The following FAT4 variants were observed in gnomAD, a reference collection of about 807,000 sequenced individuals.
The protein encoded by FAT4 is protocadherin Fat 4.
FAT4 carries 84 observed loss-of-function variants against 303.9 expected under a neutral mutation model. The observed-to-expected ratio is 0.28, with a 90% CI of 0.23 to 0.33. The LOEUF is 0.33. Among genes scored for constraint, FAT4 ranks in the 10% least tolerant of loss-of-function variants. The pLI, the probability that FAT4 is intolerant of heterozygous loss-of-function variation, is 1.00. For missense variants in FAT4, 6,005 were observed against 6,146.8 expected, an observed-to-expected ratio of 0.98 and a Z score of 0.77; for synonymous variants, 2,307 against 2,298.8, an observed-to-expected ratio of 1.00 and a Z score of -0.10.
In FAT4 at chr4:125,448,826, G is replaced by A. The variant is rs747229172; in HGVS notation, c.7816G>A (p.Ala2606Thr). 8.7e-6 allele frequency: 14 copies of A among 1,608,510 alleles called. No individual in the cohort carries two copies. The East Asian group carries it at 1.3e-4, about 15-fold the overall frequency. Reference sequence around the variant, plus strand: ...AGGAGAACCTATGTCATATTATATCGCAAGTGGGAATCTTGGCAATACTTT... The same window carrying A: ...AGGAGAACCTATGTCATATTATATCACAAGTGGGAATCTTGGCAATACTTT... ...LRGEPMSYYI[A>T]SGNLGNTFQI... The change falls in exon 10 of 18, where the codon GCA becomes ACA. Residue 2606 changes from alanine to threonine, a missense_variant. Ala to Thr is a moderately conservative substitution (Grantham distance 58, BLOSUM62 0). Coordinates refer to ENST00000394329, the MANE Select transcript of FAT4 (RefSeq NM_001291303.3).
chr4:125,481,775 A>T, intron 16 of FAT4, 37 bp downstream of exon 16: 1 of 1,569,468 alleles, frequency 6.4e-7, no homozygotes, highest in East Asian at 2.2e-5. Flanking sequence ...ATTTGATTAG[A>T]CCGCCTGCCG....
intron 2 of FAT4, among the ~76,000 whole-genome samples, chr4:125,385,438 G>A (rs1733709778): frequency 6.6e-6 from 1 of 152,104 alleles, no homozygotes; most frequent in Non-Finnish European, 1.5e-5. Context: ...GTAGTTAATT[G>A]CCTTATTTTA....
At chr4:125,414,076 T>A (rs1023371987) in intron 5 of FAT4, among the ~76,000 whole-genome samples, 1 of 152,046 alleles carries the variant, frequency 6.6e-6, no homozygotes, top group African/African-American at 2.4e-5. Context: ...AGGCAGAAAC[T>A]GACTTCTTTC....
At chr4:125,482,505 C>T (rs1303651327) in intron 16 of FAT4, among the ~76,000 whole-genome samples, 3 of 152,060 alleles carry the variant, frequency 2.0e-5, no homozygotes, top group African/African-American at 7.2e-5. Context: ...ACAAATAAGT[C>T]ATCTCCTAGA....
chr4:125,326,517 T>C (rs757905451), intron 2 of FAT4, among the ~76,000 whole-genome samples: 23 of 152,140 alleles, frequency 1.5e-4, no homozygotes, highest in Non-Finnish European at 2.9e-4. Flanking sequence ...TTTGTAGCTA[T>C]GGAAACTGAG....
intron 2 of FAT4, among the ~76,000 whole-genome samples, chr4:125,354,852 C>T (rs1732367746): frequency 6.6e-6 from 1 of 151,264 alleles, no homozygotes; most frequent in Non-Finnish European, 1.5e-5. Flanking sequence ...AAACAGTGGA[C>T]CTCAAAGGAA....
intron 6 of FAT4, 126 bp downstream of exon 6, chr4:125,415,932 G>A: frequency 1.4e-6 from 1 of 694,808 alleles, no homozygotes; most frequent in Non-Finnish European, 2.3e-6. Flanking sequence ...ATGCTCAATT[G>A]CAGATACAGC....
At chr4:125,398,653 T>C (rs1364288435) in intron 2 of FAT4, 131 bp from the exon 3 acceptor site, 3 of 822,818 alleles carry the variant, frequency 3.6e-6, no homozygotes. Flanking sequence ...GTTTCTGTTG[T>C]TTGGATGTTA....
At chr4:125,373,458 A>T (rs528513348) in intron 2 of FAT4, among the ~76,000 whole-genome samples, 4 of 152,320 alleles carry the variant, frequency 2.6e-5, no homozygotes, top group Non-Finnish European at 5.9e-5. Context: ...ATTTATTATT[A>T]GGTGCCTAAT....
chr4:125,423,767 G>A (rs1724989676), intron 7 of FAT4, among the ~76,000 whole-genome samples: 5 of 152,134 alleles, frequency 3.3e-5, no homozygotes, highest in South Asian at 4.1e-4. Flanking sequence ...AAGCCACAGG[G>A]GCAGAGCTGC....
intron 3 of FAT4, among the ~76,000 whole-genome samples, chr4:125,400,531 CGTGT>C (rs901879864): frequency 6.6e-6 from 1 of 151,812 alleles, no homozygotes; most frequent in Admixed American, 6.6e-5. Context: ...ATCTGACTTC[CGTGT>C]GTGTGTTTGT....
chr4:125,353,764 AT>A (rs1268496968), intron 2 of FAT4, among the ~76,000 whole-genome samples: 3 of 151,704 alleles, frequency 2.0e-5, no homozygotes, highest in Non-Finnish European at 4.4e-5. Context: ...CATTTGTTAC[AT>A]TTTAATCGTT....
At chr4:125,392,161 GT>G (rs1041706948) in intron 2 of FAT4, among the ~76,000 whole-genome samples, 2 of 152,162 alleles carry the variant, frequency 1.3e-5, no homozygotes, top group African/African-American at 4.8e-5. Flanking sequence ...TGACAAAACT[GT>G]TACTTGCTTG....
At chr4:125,337,625 T>C (rs557198055) in intron 2 of FAT4, among the ~76,000 whole-genome samples, 1 of 152,184 alleles carries the variant, frequency 6.6e-6, no homozygotes, top group South Asian at 2.1e-4. Context: ...GAGCCAATAC[T>C]GTAACTACAT....
intron 7 of FAT4, among the ~76,000 whole-genome samples, chr4:125,432,238 G>T (rs1335255775): frequency 6.6e-6 from 1 of 152,128 alleles, no homozygotes; most frequent in Non-Finnish European, 1.5e-5. Flanking sequence ...CTTGTCAGTG[G>T]TAAAGACTCC....
intron 12 of FAT4, among the ~76,000 whole-genome samples, chr4:125,470,928 G>A (rs769512049): frequency 3.9e-5 from 6 of 152,126 alleles, no homozygotes; most frequent in African/African-American, 7.2e-5. Flanking sequence ...AAATGCCTTC[G>A]TCACTAAGCT....
chr4:125,472,439 A>G (rs191149085), intron 12 of FAT4, among the ~76,000 whole-genome samples: 7 of 152,284 alleles, frequency 4.6e-5, no homozygotes, highest in Non-Finnish European at 7.3e-5. Flanking sequence ...AGCTTTTGCT[A>G]GTTTTTTTCC....
chr4:125,418,516 T>G (rs1318193752), intron 7 of FAT4, among the ~76,000 whole-genome samples: 1 of 152,208 alleles, frequency 6.6e-6, no homozygotes, highest in African/African-American at 2.4e-5. Context: ...ATCATATGTA[T>G]GCAGTGCTAA....
At chr4:125,445,728 A>G (rs181662066) in intron 8 of FAT4, among the ~76,000 whole-genome samples, 1 of 152,270 alleles carries the variant, frequency 6.6e-6, no homozygotes, top group African/African-American at 2.4e-5. Flanking sequence ...CAAGAAAGCA[A>G]CAAAACCATA....
Sources: gnomAD v4.1 joint callset for allele counts (sites outside exome capture counted in the v4.1 genomes callset) on GRCh38, gnomAD v4.1.1 for gene constraint, MANE v1.5 for transcripts, NCBI Gene and HGNC (gene_info 2026-07-23, HGNC 2026-07-21) for gene names.